IL1RL1: variants seen among roughly 807,000 people sequenced by gnomAD.
IL1RL1 encodes interleukin-1 receptor-like 1.
In IL1RL1, 32 loss-of-function variants were observed where a neutral mutation model predicts 50.9. The observed-to-expected ratio is 0.63, with a 90% CI of 0.47 to 0.84. The LOEUF is 0.84. Ranked by LOEUF, IL1RL1 falls within the 40% of genes least tolerant of loss-of-function variation. The pLI is 0.00. For synonymous variants in IL1RL1, 275 were observed against 236.0 expected (o/e 1.17, Z -1.51); for missense variants, 773 against 662.9 (o/e 1.17, Z -1.82).
chr2:102,323,294 GTA>G lies in IL1RL1; in HGVS notation c.-150+11681_-150+11682del, dbSNP rs201351874. Among the ~76,000 whole-genome samples, 796 of 145,782 alleles carry G rather than the reference GTA, an allele frequency of 5.5e-3. 18 individuals carry two copies. The highest frequency in any genetic ancestry group is 0.02 in the African/African-American group (749 of 38,356). On this transcript the variant is annotated intron_variant, in intron 1 of 10. Transcript: ENST00000233954. The stretch of plus-strand genomic sequence containing the variant: ...ATATAGTGTGTGTGTGTGTGTGTGT[GTA>G]TATATATATGGTGTATATAATTTAT...
chr2:102,323,472 GCTGCAAAGTTCAAGACTGGGCAA>G (rs1019895373), intron 1 of IL1RL1, among the ~76,000 whole-genome samples: 32 of 152,052 alleles, frequency 2.1e-4, no homozygotes, highest in Non-Finnish European at 4.1e-4. Flanking sequence ...GATTTTAATG[GCTGCAAAGTTCAAGACTGGGCAA>G]CTGCATCTGG....
chr2:102,335,305 C>A (rs1378945002), intron 1 of IL1RL1, among the ~76,000 whole-genome samples: 1 of 152,066 alleles, frequency 6.6e-6, no homozygotes, highest in African/African-American at 2.4e-5. Flanking sequence ...TTTTAATAAC[C>A]CAGTCCAAAT....
chr2:102,346,164 A>G (rs1467655506), intron 8 of IL1RL1: 4 of 679,422 alleles, frequency 5.9e-6, no homozygotes, highest in East Asian at 1.3e-4. Context: ...ATTTAAGAGA[A>G]CAAAAACTTG....
intron 1 of IL1RL1, among the ~76,000 whole-genome samples, chr2:102,335,695 C>T (rs779732298): frequency 1.3e-5 from 2 of 152,068 alleles, no homozygotes; most frequent in Non-Finnish European, 2.9e-5. Flanking sequence ...CTAATGCTTA[C>T]GTGGCCTAGT....
intron 4 of IL1RL1, 67 bp downstream of exon 4, chr2:102,340,339 A>T: frequency 1.5e-6 from 2 of 1,337,194 alleles, no homozygotes; most frequent in Middle Eastern, 2.5e-4. Flanking sequence ...GTGGCCGGGC[A>T]CAGTGGCTCA....
intron 1 of IL1RL1, among the ~76,000 whole-genome samples, chr2:102,326,440 T>C (rs1295440383): frequency 6.6e-6 from 1 of 151,930 alleles, no homozygotes; most frequent in Non-Finnish European, 1.5e-5. Context: ...AGAAAATGCA[T>C]CAACTAACGA....
chr2:102,349,891 C>A (rs968480933), intron 10 of IL1RL1, among the ~76,000 whole-genome samples: 3 of 152,134 alleles, frequency 2.0e-5, no homozygotes, highest in African/African-American at 7.2e-5. Flanking sequence ...TCTCACAGAC[C>A]AGGAAGGGTT....
At chr2:102,314,454 A>G (rs149944787) in intron 1 of IL1RL1, among the ~76,000 whole-genome samples, 1 of 152,168 alleles carries the variant, frequency 6.6e-6, no homozygotes, top group Non-Finnish European at 1.5e-5. Flanking sequence ...ACACAGAATA[A>G]AGATAGTGTC....
chr2:102,344,569 C>T (rs1299784225), intron 8 of IL1RL1: 1 of 210,110 alleles, frequency 4.8e-6, no homozygotes, highest in Non-Finnish European at 8.3e-6. Context: ...CATTGCCTTA[C>T]CTAAATCTGT....
In IL1RL1 at chr2:102,340,673, A is replaced by T; in HGVS notation, c.455A>T (p.Gln152Leu). The T allele has an allele frequency of 6.3e-7, 1 of 1,584,930 alleles. No individual in the cohort carries two copies. Among genetic ancestry groups the T allele is most frequent in the Non-Finnish European group, 8.5e-7 (1 of 1,172,248 alleles). ...TAPLEWFKNC[Q>L]ALQGSRYRAH... ...TGGAATTTCTTATTTCAGAATTGTC[A>T]GGCTCTTCAAGGATCAAGGTACAGG... Residue 152 changes from glutamine to leucine, a missense_variant, in exon 5 of 11, where the codon CAG (glutamine) becomes CTG (leucine). Gln to Leu is a moderately radical substitution (Grantham distance 113). Transcript: ENST00000233954.
At chr2:102,351,336 G>A (rs199725469) in intron 10 of IL1RL1, among the ~76,000 whole-genome samples, 200 bp from the exon 11 acceptor site, 2 of 151,882 alleles carry the variant, frequency 1.3e-5, no homozygotes, top group Non-Finnish European at 2.9e-5. Context: ...GGACATTGGG[G>A]CTGATATTCT....
chr2:102,351,883 G>A lies in IL1RL1; in HGVS notation c.1633G>A (p.Ala545Thr), dbSNP rs751692398. Residue 545 changes from alanine (A) to threonine (T), a missense_variant, in exon 11 of 11, where the codon GCC becomes ACC. By Grantham distance (58) the Ala-to-Thr change is moderately conservative (BLOSUM62 0). Transcript: ENST00000233954. ...MPVPSKIPRK[A>T]SSLTPLAAQK... ...TGTGCCAAGCAAAATTCCCAGAAAGGCCTCTAGTTTGACTCCCTTGGCTGC... is the reference window on the plus strand; with the variant it reads ...TGTGCCAAGCAAAATTCCCAGAAAGACCTCTAGTTTGACTCCCTTGGCTGC... 4 of 1,613,624 alleles carry A rather than the reference G, an allele frequency of 2.5e-6. No individual in the cohort carries two copies. The highest frequency in any genetic ancestry group is 2.2e-5 in the East Asian group (1 of 44,878).
intron 1 of IL1RL1, among the ~76,000 whole-genome samples, chr2:102,316,792 T>C (rs974621565): frequency 2.7e-4 from 41 of 152,306 alleles, no homozygotes; most frequent in African/African-American, 9.6e-4. Context: ...CAAAATATTA[T>C]ATTCCAAAAA....
At chr2:102,336,567 T>G (rs1413754572) in intron 1 of IL1RL1, among the ~76,000 whole-genome samples, 3 of 152,202 alleles carry the variant, frequency 2.0e-5, no homozygotes, top group African/African-American at 7.2e-5. Flanking sequence ...GCTTTTCAAG[T>G]TTGTTTTACC....
At chr2:102,317,858 C>A (rs1676723066) in intron 1 of IL1RL1, among the ~76,000 whole-genome samples, 2 of 151,994 alleles carry the variant, frequency 1.3e-5, no homozygotes, top group Non-Finnish European at 2.9e-5. Context: ...AAGTGGCAGA[C>A]CTCATTGAGA....
chr2:102,334,566 C>A (rs1233121328), intron 1 of IL1RL1, among the ~76,000 whole-genome samples: 2 of 151,216 alleles, frequency 1.3e-5, no homozygotes, highest in Non-Finnish European at 3.0e-5. Flanking sequence ...AAAAATGATA[C>A]CCAGATGTCC....
intron 8 of IL1RL1, 98 bp from the exon 9 acceptor site, chr2:102,347,847 T>C: frequency 1.4e-6 from 1 of 692,876 alleles, no homozygotes; most frequent in Non-Finnish European, 2.4e-6. Flanking sequence ...ATATCTTATG[T>C]GAAATTCTTG....
At chr2:102,349,785 A>T (rs1298643188) in intron 10 of IL1RL1, among the ~76,000 whole-genome samples, 1 of 152,202 alleles carries the variant, frequency 6.6e-6, no homozygotes, top group Non-Finnish European at 1.5e-5. Context: ...TGACAGTTTT[A>T]TCACAACTCC....
intron 8 of IL1RL1, 41 bp downstream of exon 8, chr2:102,343,456 C>G (rs1041111081): frequency 6.2e-7 from 1 of 1,613,962 alleles, no homozygotes; most frequent in Non-Finnish European, 8.5e-7. Flanking sequence ...TGAACTTTCT[C>G]TAGCAAGTGT....
Sources: gnomAD v4.1 joint callset for allele counts (sites outside exome capture counted in the v4.1 genomes callset) on GRCh38, gnomAD v4.1.1 for gene constraint, MANE v1.5 for transcripts, NCBI Gene and HGNC (gene_info 2026-07-23, HGNC 2026-07-21) for gene names.